Variants in SCN8A observed in about 807,000 individuals in gnomAD.
SCN8A encodes sodium voltage-gated channel alpha subunit 8, also known as sodium channel protein type 8 subunit alpha.
In SCN8A, 30 loss-of-function variants were observed where a neutral mutation model predicts 184.1. The observed-to-expected ratio is 0.16, with a 90% CI of 0.12 to 0.22. SCN8A has a LOEUF of 0.22. Ranked by LOEUF, SCN8A falls within the 10% of genes least tolerant of loss-of-function variation. The probability of loss-of-function intolerance (pLI) is 1.00; values close to 1 mark genes in which losing one functional copy is unlikely to be tolerated. For synonymous variants in SCN8A, 852 were observed against 907.0 expected, an observed-to-expected ratio of 0.94 and a Z score of 1.09; for missense variants, 1,057 against 2,498.9, an observed-to-expected ratio of 0.42 and a Z score of 12.30.
intron 1 of SCN8A, among the ~76,000 whole-genome samples, chr12:51,595,830 T>C (rs1368982746): frequency 6.6e-6 from 1 of 152,228 alleles, no homozygotes; most frequent in Non-Finnish European, 1.5e-5. Context: ...AGACGGATGC[T>C]TTATCTTCAG....
chr12:51,680,263 C>T (rs535611895), intron 2 of SCN8A, among the ~76,000 whole-genome samples: 29 of 152,074 alleles, frequency 1.9e-4, no homozygotes, highest in Non-Finnish European at 3.4e-4. Flanking sequence ...ATTTTAAGTG[C>T]AACACTCAGT....
chr12:51,714,474 C>T (rs1178654544), intron 11 of SCN8A, among the ~76,000 whole-genome samples: 1 of 152,158 alleles, frequency 6.6e-6, no homozygotes, highest in Non-Finnish European at 1.5e-5. Context: ...AACTGTCAGG[C>T]TCACAGTGTC....
chr12:51,616,424 C>T (rs933810085), intron 1 of SCN8A, among the ~76,000 whole-genome samples: 70 of 152,194 alleles, frequency 4.6e-4, no homozygotes, highest in African/African-American at 1.5e-3. Flanking sequence ...GCCTGGCTAA[C>T]ATGGTGAAAC....
chr12:51,762,131 A>AT (rs984207276), intron 14 of SCN8A, among the ~76,000 whole-genome samples: 2 of 152,188 alleles, frequency 1.3e-5, no homozygotes, highest in African/African-American at 4.8e-5. Context: ...AACGCGAGTG[A>AT]TTTTTTTAAG....
intron 1 of SCN8A, among the ~76,000 whole-genome samples, chr12:51,628,307 G>C (rs965406362): frequency 1.3e-5 from 2 of 152,182 alleles, no homozygotes; most frequent in Non-Finnish European, 2.9e-5. Flanking sequence ...GTTTAGAAGT[G>C]ACTCATTGTG....
chr12:51,763,768 A>G (rs893134149), intron 15 of SCN8A, among the ~76,000 whole-genome samples: 1 of 152,206 alleles, frequency 6.6e-6, no homozygotes, highest in Non-Finnish European at 1.5e-5. Flanking sequence ...CACTCAGACA[A>G]AGGTCACTAC....
At chr12:51,663,175 T>C in intron 2 of SCN8A, 82 bp downstream of exon 2, 1 of 1,481,106 alleles carries the variant, frequency 6.8e-7, no homozygotes, top group Non-Finnish European at 9.2e-7. Flanking sequence ...ACTGTGTCTC[T>C]TTGCCAAAGT....
chr12:51,691,249 T>C (rs892818532), intron 6 of SCN8A, among the ~76,000 whole-genome samples: 1 of 152,194 alleles, frequency 6.6e-6, no homozygotes, highest in Non-Finnish European at 1.5e-5. Context: ...CAGAATTAAA[T>C]TGGAAAGCTG....
rs1349215930 is a variant in SCN8A, at chr12:51,769,290, C to T, written c.3327C>T (p.Asn1109=). Residue 1109 remains asparagine (N), a synonymous_variant, in exon 17 of 27, where the codon AAC becomes AAT. Transcript: ENST00000627620. ...GCGAGTCTGACTTTGAGAACCTCAACACAGAGGATGTTAGCAGCGAGTCGG... is the reference window on the plus strand; with the variant it reads ...GCGAGTCTGACTTTGAGAACCTCAATACAGAGGATGTTAGCAGCGAGTCGG... ...AVGESDFENL[N]TEDVSSESDP... is the part of the protein sequence containing the mutation. 6 of 1,606,842 alleles carry T rather than the reference C, an allele frequency of 3.7e-6. No homozygotes were observed. The highest frequency in any genetic ancestry group is 5.1e-6 in the Non-Finnish European group (6 of 1,174,282).
At chr12:51,601,433 A>T (rs1286792883) in intron 1 of SCN8A, among the ~76,000 whole-genome samples, 3 of 151,072 alleles carry the variant, frequency 2.0e-5, no homozygotes, top group African/African-American at 7.3e-5. Context: ...TCACTTACCT[A>T]ACAAGGCCTT....
At chr12:51,663,126 C>A in intron 2 of SCN8A, 33 bp downstream of exon 2, 2 of 1,608,386 alleles carry the variant, frequency 1.2e-6, no homozygotes, top group Non-Finnish European at 1.7e-6. Context: ...GCTGCAGATA[C>A]CTGTTTCCTA....
At chr12:51,626,805 A>G (rs758942893) in intron 1 of SCN8A, among the ~76,000 whole-genome samples, 4 of 150,124 alleles carry the variant, frequency 2.7e-5, no homozygotes, top group South Asian at 2.1e-4. Context: ...TTTATATTAA[A>G]TTATTAATTG....
chr12:51,608,035 T>C (rs1184734328), intron 1 of SCN8A, among the ~76,000 whole-genome samples: 3 of 149,998 alleles, frequency 2.0e-5, no homozygotes, highest in Non-Finnish European at 4.4e-5. Context: ...TTTTTTTTTT[T>C]TTTGAGATGG....
intron 1 of SCN8A, among the ~76,000 whole-genome samples, chr12:51,628,619 C>T (rs1006973907): frequency 3.3e-5 from 5 of 151,980 alleles, no homozygotes; most frequent in Non-Finnish European, 7.4e-5. Context: ...CATGCTGGCC[C>T]CAGCTGTAGG....
intron 6 of SCN8A, among the ~76,000 whole-genome samples, chr12:51,692,824 CT>C (rs1941534215): frequency 6.6e-6 from 1 of 152,190 alleles, no homozygotes; most frequent in African/African-American, 2.4e-5. Flanking sequence ...TTCTCAGGTT[CT>C]TCTTAGCAGC....
chr12:51,702,102 T>C (rs1367183612), intron 8 of SCN8A, among the ~76,000 whole-genome samples: 2 of 151,878 alleles, frequency 1.3e-5, no homozygotes, highest in Non-Finnish European at 2.9e-5. Context: ...GGCAGGCAGA[T>C]CCCGAGGTCA....
chr12:51,804,845 A>G (rs1938654773), intron 26 of SCN8A, among the ~76,000 whole-genome samples: 2 of 152,186 alleles, frequency 1.3e-5, no homozygotes, highest in Non-Finnish European at 2.9e-5. Flanking sequence ...CACTCCTGAG[A>G]GTCCCTTTAG....
intron 11 of SCN8A, among the ~76,000 whole-genome samples, chr12:51,714,063 G>A (rs964248809): frequency 2.0e-5 from 3 of 151,796 alleles, no homozygotes; most frequent in Admixed American, 6.6e-5. Context: ...GCTTATGCAT[G>A]CATTCAGTTT....
At chr12:51,697,927 G>A (rs1404002930) in intron 6 of SCN8A, among the ~76,000 whole-genome samples, 1 of 152,112 alleles carries the variant, frequency 6.6e-6, no homozygotes, top group Non-Finnish European at 1.5e-5. Context: ...TGGCTCACTG[G>A]AACCTCCACC....
Sources: gnomAD v4.1 joint callset for allele counts (sites outside exome capture counted in the v4.1 genomes callset) on GRCh38, gnomAD v4.1.1 for gene constraint, MANE v1.5 for transcripts, NCBI Gene and HGNC (gene_info 2026-07-23, HGNC 2026-07-21) for gene names.